Variants in PPP1R9A observed in about 807,000 individuals in gnomAD.
PPP1R9A encodes protein phosphatase 1 regulatory subunit 9A, also known as neurabin-1.
PPP1R9A carries 59 observed loss-of-function variants against 141.9 expected under a neutral mutation model. The ratio of observed to expected loss-of-function variants is 0.42; its 90% CI spans 0.34 to 0.52. The LOEUF is 0.52. Among genes scored for constraint, PPP1R9A ranks in the 20% least tolerant of loss-of-function variants. The pLI is 0.10. For missense variants in PPP1R9A, 1,444 were observed against 1,611.9 expected (o/e 0.90, Z 1.78); for synonymous variants, 500 against 569.7 (o/e 0.88, Z 1.74).
At chr7:94,966,289 C>T (rs1423452393) in intron 2 of PPP1R9A, among the ~76,000 whole-genome samples, 1 of 152,182 alleles carries the variant, frequency 6.6e-6, no homozygotes, top group Admixed American at 6.6e-5. Flanking sequence ...GACAATTTGA[C>T]TTCCTCTCTT....
intron 2 of PPP1R9A, among the ~76,000 whole-genome samples, chr7:95,069,950 G>A (rs1813526187): frequency 6.6e-6 from 1 of 152,110 alleles, no homozygotes; most frequent in Non-Finnish European, 1.5e-5. Flanking sequence ...TTAGCACACA[G>A]TAAACTGATC....
In PPP1R9A at chr7:95,293,837, TATAG is replaced by T. The variant is rs1407198183; in HGVS notation, c.*3538_*3541del. On this transcript the variant is annotated 3_prime_UTR_variant, in exon 20 of 20. Coordinates refer to ENST00000433360, the MANE Select transcript of PPP1R9A (RefSeq NM_001166160.2). ...AAAGGGAAATGAAAATTTGCATTTATATAGATACTCTGATTCATGTTTAAGTGTT... is the reference window on the plus strand; with the variant it reads ...AAAGGGAAATGAAAATTTGCATTTATATACTCTGATTCATGTTTAAGTGTT... The T allele has an allele frequency of 6.6e-6, 1 of 152,234 alleles. No homozygotes were observed. The highest frequency in any genetic ancestry group is 2.4e-5 in the African/African-American group (1 of 41,464). 9.4% of individuals were successfully genotyped at this position (152,234 alleles called of 1,614,324 possible). A position where few individuals can be genotyped will look rare whatever the true frequency, so the allele number is the denominator to read the frequency against.
intron 8 of PPP1R9A, among the ~76,000 whole-genome samples, chr7:95,234,189 A>C (rs1000574869): frequency 2.6e-5 from 4 of 152,028 alleles, no homozygotes; most frequent in Non-Finnish European, 4.4e-5. Context: ...AGAGCAAACA[A>C]GAAAAAGAAA....
chr7:94,928,239 A>G (rs1451443907), intron 2 of PPP1R9A, among the ~76,000 whole-genome samples: 1 of 151,998 alleles, frequency 6.6e-6, no homozygotes, highest in Non-Finnish European at 1.5e-5. Context: ...AGGAACATGA[A>G]GGGGGTGTGT....
intron 2 of PPP1R9A, among the ~76,000 whole-genome samples, chr7:94,993,383 T>C (rs1213825861): frequency 6.6e-6 from 1 of 152,156 alleles, no homozygotes; most frequent in Admixed American, 6.5e-5. Flanking sequence ...CTCCTCTAAG[T>C]ATTTTCTTTT....
chr7:95,042,550 C>G (rs1363045187), intron 2 of PPP1R9A, among the ~76,000 whole-genome samples: 1 of 152,092 alleles, frequency 6.6e-6, no homozygotes, highest in Non-Finnish European at 1.5e-5. Context: ...GAAAAATAAA[C>G]CATACACGTG....
intron 2 of PPP1R9A, among the ~76,000 whole-genome samples, chr7:95,089,843 T>G (rs1182002923): frequency 6.6e-6 from 1 of 151,994 alleles, no homozygotes; most frequent in Non-Finnish European, 1.5e-5. Context: ...CTAGTTCTTC[T>G]GTTGTCATAT....
chr7:95,030,135 G>A (rs1356367247), intron 2 of PPP1R9A, among the ~76,000 whole-genome samples: 1 of 152,098 alleles, frequency 6.6e-6, no homozygotes, highest in Non-Finnish European at 1.5e-5. Flanking sequence ...TGTGCACAGT[G>A]CCCTCTCTTA....
intron 2 of PPP1R9A, among the ~76,000 whole-genome samples, chr7:95,056,386 G>T (rs919391594): frequency 6.6e-6 from 1 of 152,090 alleles, no homozygotes; most frequent in Non-Finnish European, 1.5e-5. Context: ...CTGGTTTATC[G>T]TCATGCAAAG....
At chr7:94,952,726 T>A (rs555308762) in intron 2 of PPP1R9A, among the ~76,000 whole-genome samples, 7 of 152,330 alleles carry the variant, frequency 4.6e-5, no homozygotes, top group Admixed American at 1.3e-4. Flanking sequence ...GCTTTTTTCA[T>A]AAGTTTCTTG....
chr7:95,256,964 A>G (rs1208766558), intron 12 of PPP1R9A, among the ~76,000 whole-genome samples: 3 of 152,208 alleles, frequency 2.0e-5, no homozygotes, highest in African/African-American at 7.2e-5. Flanking sequence ...AAGCCTCAAT[A>G]TTATAAAAAT....
intron 2 of PPP1R9A, among the ~76,000 whole-genome samples, chr7:94,929,127 ATCGGACAAAT>A (rs1793842537): frequency 6.6e-6 from 1 of 152,238 alleles, no homozygotes; most frequent in Admixed American, 6.5e-5. Flanking sequence ...ATTTTCAATT[ATCGGACAAAT>A]TCTTAGTCTA....
At chr7:95,012,805 TAATATG>T (rs1804609567) in intron 2 of PPP1R9A, among the ~76,000 whole-genome samples, 1 of 152,146 alleles carries the variant, frequency 6.6e-6, no homozygotes, top group African/African-American at 2.4e-5. Context: ...TAGATTACAT[TAATATG>T]TAATGATGTG....
chr7:95,280,629 A>C (rs1804023693), intron 16 of PPP1R9A, among the ~76,000 whole-genome samples: 1 of 152,212 alleles, frequency 6.6e-6, no homozygotes, highest in Admixed American at 6.5e-5. Flanking sequence ...CCTAGGAGTG[A>C]CTTATGATTC....
At position 95,290,213 on chromosome 7, in the gene PPP1R9A, A is replaced by G. The variant is rs61749906; in HGVS notation, c.4035A>G (p.Leu1345=). ...QEKMEKQREK[L]RRKEQEQMQR... is the part of the protein sequence containing the mutation. ...AAATGGAAAAACAAAGAGAAAAGCT[A>G]AGGAGAAAGGAGCAAGAGCAAATGC... is the stretch of plus-strand genomic sequence containing the variant. Residue 1345 remains leucine, a synonymous_variant, in exon 20 of 20, where the codon CTA becomes CTG. Transcript: ENST00000433360. The G allele has an allele frequency of 0.068, 109,496 of 1,613,520 alleles. 4,547 individuals carry two copies. The highest frequency in any genetic ancestry group is 0.17 in the Admixed American group (10,371 of 59,832).
intron 2 of PPP1R9A, among the ~76,000 whole-genome samples, chr7:95,079,770 C>G (rs180890778): frequency 6.6e-6 from 1 of 152,196 alleles, no homozygotes; most frequent in African/African-American, 2.4e-5. Flanking sequence ...CCCTGGGATG[C>G]AAGGCTGGTT....
intron 12 of PPP1R9A, among the ~76,000 whole-genome samples, chr7:95,264,841 C>G (rs535050631): frequency 5.9e-5 from 9 of 152,102 alleles, no homozygotes; most frequent in Admixed American, 2.0e-4. Flanking sequence ...TTCCGCTGAC[C>G]CTTATGGACA....
intron 2 of PPP1R9A, among the ~76,000 whole-genome samples, chr7:95,103,270 C>G (rs1819026246): frequency 6.6e-6 from 1 of 151,316 alleles, no homozygotes; most frequent in Non-Finnish European, 1.5e-5. Flanking sequence ...TTCTGGAAAA[C>G]CTTGACAAAC....
chr7:95,127,334 G>A (rs181115127), intron 4 of PPP1R9A, among the ~76,000 whole-genome samples: 1 of 152,118 alleles, frequency 6.6e-6, no homozygotes, highest in Non-Finnish European at 1.5e-5. Context: ...CAGTATTAAG[G>A]TAGACAGGAA....
Sources: allele counts gnomAD v4.1 joint callset (sites outside exome capture counted in the v4.1 genomes callset), GRCh38; gene constraint gnomAD v4.1.1; transcripts MANE v1.5; gene names NCBI Gene and HGNC (gene_info 2026-07-23, HGNC 2026-07-21).